EML4: variants seen among roughly 807,000 people sequenced by gnomAD.
EML4 encodes the protein echinoderm microtubule-associated protein-like 4.
In EML4, 72 loss-of-function variants were observed where a neutral mutation model predicts 129.0. The ratio of observed to expected loss-of-function variants is 0.56; its 90% confidence interval spans 0.46 to 0.68. The LOEUF (loss-of-function observed/expected upper bound fraction) is 0.68, where lower values mean the gene tolerates loss of function less well. Ranked by LOEUF, EML4 falls within the 30% of genes least tolerant of loss-of-function variation. The probability of loss-of-function intolerance (pLI) is 0.00; values close to 1 mark genes in which losing one functional copy is unlikely to be tolerated. For missense variants in EML4, 1,363 were observed against 1,190.6 expected (o/e 1.14, Z -2.13); for synonymous variants, 532 against 405.0 (o/e 1.31, Z -3.77).
At chr2:42,269,809 C>T (rs910528639) in intron 6 of EML4, among the ~76,000 whole-genome samples, 7 of 152,114 alleles carry the variant, frequency 4.6e-5, no homozygotes, top group Admixed American at 1.3e-4. Flanking sequence ...TATTATTTAG[C>T]AATTACATTT....
At chr2:42,212,544 T>TA (rs1672943591) in intron 1 of EML4, among the ~76,000 whole-genome samples, 2 of 152,178 alleles carry the variant, frequency 1.3e-5, no homozygotes, top group South Asian at 4.1e-4. Flanking sequence ...TGAGACCATT[T>TA]AAAAAACCTT....
Position 42,172,507 on chromosome 2 carries a change from A to G in EML4, c.25+2871A>G, listed in dbSNP as rs548610286. The stretch of plus-strand genomic sequence containing the variant: ...GTTATCTTTGTTTTACATAAAAAAC[A>G]AGTGAAGAATTCTTTTAATCTCCGC... On this transcript the variant is annotated intron_variant, in intron 1 of 22. Transcript: ENST00000318522. Among the ~76,000 whole-genome samples the G allele has an allele frequency of 4.3e-4, 66 of 152,350 alleles. 1 individual carries two copies. Among genetic ancestry groups the G allele is most frequent in the Admixed American group, 1.7e-3 (26 of 15,302 alleles).
intron 18 of EML4, among the ~76,000 whole-genome samples, chr2:42,316,881 A>T (rs1202801216): frequency 6.6e-6 from 1 of 152,044 alleles, no homozygotes; most frequent in African/African-American, 2.4e-5. Flanking sequence ...AAATTTTAAC[A>T]TTTTTCTGGG....
intron 17 of EML4, among the ~76,000 whole-genome samples, chr2:42,304,815 G>C (rs1225796474): frequency 6.6e-6 from 1 of 152,138 alleles, no homozygotes; most frequent in Non-Finnish European, 1.5e-5. Context: ...ACATTTTAGC[G>C]TGTATGGGAC....
chr2:42,171,151 C>T (rs1344364204), intron 1 of EML4, among the ~76,000 whole-genome samples: 3 of 152,156 alleles, frequency 2.0e-5, no homozygotes, highest in Admixed American at 6.5e-5. Flanking sequence ...ATCCATTTTT[C>T]CCTGGTTCTT....
At chr2:42,223,738 A>G (rs769936781) in intron 1 of EML4, among the ~76,000 whole-genome samples, 1 of 152,168 alleles carries the variant, frequency 6.6e-6, no homozygotes, top group Non-Finnish European at 1.5e-5. Context: ...AAAGACCATT[A>G]CATTTTCACT....
chr2:42,189,970 A>AG (rs779131272), intron 1 of EML4, among the ~76,000 whole-genome samples: 5 of 152,040 alleles, frequency 3.3e-5, no homozygotes, highest in Non-Finnish European at 5.9e-5. Flanking sequence ...AAATGCAAAG[A>AG]GGAAAAAAAA....
chr2:42,177,618 G>T (rs563339726), intron 1 of EML4, among the ~76,000 whole-genome samples: 1 of 152,106 alleles, frequency 6.6e-6, no homozygotes, highest in African/African-American at 2.4e-5. Flanking sequence ...GCGAGACCCC[G>T]TCTCAAACAA....
At chr2:42,226,714 A>G (rs544374090) in intron 1 of EML4, among the ~76,000 whole-genome samples, 4 of 152,178 alleles carry the variant, frequency 2.6e-5, no homozygotes, top group Admixed American at 2.0e-4. Context: ...GAAAATTGCT[A>G]AGAGAGTAGA....
At chr2:42,248,461 C>G (rs1675554077) in intron 2 of EML4, among the ~76,000 whole-genome samples, 1 of 152,056 alleles carries the variant, frequency 6.6e-6, no homozygotes, top group Non-Finnish European at 1.5e-5. Context: ...AATATAAATA[C>G]AGTTAACTAG....
At chr2:42,187,837 A>C (rs1019709885) in intron 1 of EML4, among the ~76,000 whole-genome samples, 12 of 152,110 alleles carry the variant, frequency 7.9e-5, no homozygotes, top group Admixed American at 2.0e-4. Context: ...GTTTGATGAA[A>C]TCCATTTATC....
At chr2:42,234,697 G>C (rs1005523668) in intron 1 of EML4, among the ~76,000 whole-genome samples, 1 of 152,288 alleles carries the variant, frequency 6.6e-6, no homozygotes, top group Non-Finnish European at 1.5e-5. Context: ...GGTGGGTTTT[G>C]CTCAGCTTGT....
chr2:42,273,288 C>T (rs1268946712), intron 6 of EML4, among the ~76,000 whole-genome samples: 1 of 152,070 alleles, frequency 6.6e-6, no homozygotes, highest in African/African-American at 2.4e-5. Context: ...TTTTATGTGT[C>T]TCATATTGTT....
intron 17 of EML4, among the ~76,000 whole-genome samples, chr2:42,308,481 G>C (rs909654578): frequency 2.6e-5 from 4 of 152,174 alleles, no homozygotes; most frequent in Non-Finnish European, 2.9e-5. Flanking sequence ...TTGCACACCA[G>C]CCTGGGCACT....
chr2:42,193,274 A>G (rs903328563), intron 1 of EML4, among the ~76,000 whole-genome samples: 2 of 152,208 alleles, frequency 1.3e-5, no homozygotes, highest in Admixed American at 6.5e-5. Flanking sequence ...AGGTTTGTGT[A>G]AGTACATTCT....
intron 1 of EML4, among the ~76,000 whole-genome samples, chr2:42,208,666 C>T (rs569013389): frequency 2.7e-4 from 41 of 152,102 alleles, no homozygotes; most frequent in Middle Eastern, 3.4e-3. Context: ...AACTCCTGAC[C>T]TCATGATCCA....
At chr2:42,217,759 T>C (rs1475152336) in intron 1 of EML4, among the ~76,000 whole-genome samples, 1 of 152,208 alleles carries the variant, frequency 6.6e-6, no homozygotes, top group Non-Finnish European at 1.5e-5. Context: ...TTAGAGGATA[T>C]GTCCAAATAT....
At position 42,303,136 on chromosome 2, in the gene EML4, A is replaced by G. The variant is rs1668386400; in HGVS notation, c.1674A>G (p.Val558=). 6.2e-7 allele frequency: 1 copy of G among 1,614,012 alleles called. No homozygotes were observed. The highest frequency in any genetic ancestry group is 1.3e-5 in the African/African-American group (1 of 74,902). The part of the protein sequence containing the change: ...VPDQYGTIRA[V]AEGKADQFLV... ...ATCAGTATGGCACAATCAGAGCTGTAGCAGAAGGAAAGGCAGATCAATTTT... is the reference window on the plus strand; with the variant it reads ...ATCAGTATGGCACAATCAGAGCTGTGGCAGAAGGAAAGGCAGATCAATTTT... The change falls in exon 15 of 23, where the codon GTA becomes GTG. Residue 558 remains valine (V), a synonymous_variant. Transcript: ENST00000318522.
In EML4 at chr2:42,332,126, CAT is replaced by C. The variant is rs774667568; in HGVS notation, c.*1920_*1921del. 7 of 221,100 alleles carry C rather than the reference CAT, an allele frequency of 3.2e-5. No homozygotes were observed. Among genetic ancestry groups the C allele is most frequent in the Non-Finnish European group, 5.4e-5 (6 of 110,498 alleles). 13.7% of individuals were successfully genotyped at this position (221,100 alleles called of 1,614,324 possible). A position where few individuals can be genotyped will look rare whatever the true frequency, so the allele number is the denominator to read the frequency against. ...ATACTCCCTGCAAGAAATATACTGA[CAT>C]GAACAGGCAGTTCTTGGAGAAGAAA... On this transcript the variant is annotated 3_prime_UTR_variant, in exon 23 of 23. Transcript: ENST00000318522.
Sources: allele counts gnomAD v4.1 joint callset (sites outside exome capture counted in the v4.1 genomes callset), GRCh38; gene constraint gnomAD v4.1.1; transcripts MANE v1.5; gene names NCBI Gene and HGNC (gene_info 2026-07-23, HGNC 2026-07-21).